Variants in SAGE1 observed in about 807,000 individuals in gnomAD.
SAGE1 encodes the protein cancer/testis antigen 14.
In SAGE1, 55 loss-of-function variants were observed where a neutral mutation model predicts 55.4. The ratio of observed to expected loss-of-function variants is 0.99; its 90% CI spans 0.80 to 1.24. The LOEUF (loss-of-function observed/expected upper bound fraction) is 1.24. Among genes scored for constraint, SAGE1 ranks in the 50% most tolerant of loss-of-function variants. The pLI, the probability that SAGE1 is intolerant of heterozygous loss-of-function variation, is 0.00. For synonymous variants in SAGE1, 240 were observed against 244.3 expected, an observed-to-expected ratio of 0.98 and a Z score of 0.17; for missense variants, 710 against 704.4, an observed-to-expected ratio of 1.01 and a Z score of -0.09.
rs782114112 is a variant in SAGE1, at chrX:135,905,310, T to G, written c.372T>G (p.Thr124=). The change falls in exon 5 of 20, where the codon ACT becomes ACG. Residue 124 remains threonine, a synonymous_variant. Coordinates refer to ENST00000370709, the MANE Select transcript of SAGE1 (RefSeq NM_001381902.1). ...GGATGGAAAATGGCCAATCTCGAAC[T>G]GACAAAGTCTTGTCAACTGCTCCAC... ...EERMENGQSR[T]DKVLSTAPPQ... 5.0e-6 allele frequency: 6 copies of G among 1,206,059 alleles called. No individual in the cohort carries two copies. The Admixed American group carries it at 1.1e-4, about 22-fold the overall frequency.
At position 135,893,716 on chromosome X, in the gene SAGE1, A is replaced by G. The variant is rs2088537984; in HGVS notation, c.-66A>G. 8.9e-6 allele frequency among the ~76,000 whole-genome samples: 1 copy of G among 112,047 alleles called. No individual in the cohort carries two copies. Among genetic ancestry groups the G allele is most frequent in the Non-Finnish European group, 1.9e-5 (1 of 53,140 alleles). On this transcript the variant is annotated 5_prime_UTR_variant, in exon 1 of 20. Coordinates refer to ENST00000370709, the MANE Select transcript of SAGE1 (RefSeq NM_001381902.1). ...CTGGTGCTCTCTACAGGTGGCCTTC[A>G]CTATCAACTGCACAGCGGGCAGAGG...
intron 2 of SAGE1, among the ~76,000 whole-genome samples, chrX:135,898,728 T>C (rs2088625905): frequency 8.9e-6 from 1 of 112,436 alleles, no homozygotes; most frequent in South Asian, 3.7e-4. Flanking sequence ...TCGAGTTGCA[T>C]TTCTCTAATG....
chrX:135,911,268 G>A lies in SAGE1; in HGVS notation c.2082G>A (p.Thr694=), dbSNP rs1429206979. Residue 694 remains threonine (T), a synonymous_variant, in exon 17 of 20, where the codon ACG becomes ACA. Coordinates refer to ENST00000370709, the MANE Select transcript of SAGE1 (RefSeq NM_001381902.1). The stretch of plus-strand genomic sequence containing the variant: ...AGGCACCTGATAACTCCTTGTCAAC[G>A]GTTCCACCTGGTTGTATTAATCTGT... ...GQQAPDNSLS[T]VPPGCINLSG... 4.1e-6 allele frequency: 5 copies of A among 1,206,274 alleles called. No individual in the cohort carries two copies. Among genetic ancestry groups the A allele is most frequent in the East Asian group, 3.0e-5 (1 of 33,713 alleles).
Position 135,908,506 on chromosome X carries a change from G to A in SAGE1, c.1330G>A (p.Ala444Thr), listed in dbSNP as rs782338529. The A allele has an allele frequency of 8.3e-6, 10 of 1,205,690 alleles. No individual in the cohort carries two copies. In the African/African-American group the frequency reaches 1.6e-4, roughly 19 times the overall value. The stretch of plus-strand genomic sequence containing the variant: ...TACCGTCAATCACCATGTCCATGAA[G>A]CAAGGATGGAAAATGGCCAACGAAA... The part of the protein sequence containing the change: ...YATVNHHVHE[A>T]RMENGQRKQD... Residue 444 changes from alanine to threonine, a missense_variant, in exon 12 of 20, where the codon GCA becomes ACA. Transcript: ENST00000370709.
In SAGE1 at chrX:135,911,272, C is replaced by A. The variant is rs782591397; in HGVS notation, c.2086C>A (p.Pro696Thr). Residue 696 changes from proline (P) to threonine (T), a missense_variant, in exon 17 of 20, where the codon CCA (proline) becomes ACA (threonine). Pro to Thr is a conservative substitution (Grantham distance 38, BLOSUM62 -1). Coordinates refer to ENST00000370709, the MANE Select transcript of SAGE1 (RefSeq NM_001381902.1). The part of the protein sequence containing the change: ...QAPDNSLSTV[P>T]PGCINLSGAG... ...ACCTGATAACTCCTTGTCAACGGTT[C>A]CACCTGGTTGTATTAATCTGTCAGG... The A allele has an allele frequency of 2.5e-6, 3 of 1,209,161 alleles. No individual in the cohort carries two copies. Among genetic ancestry groups the A allele is most frequent in the Admixed American group, 4.3e-5 (2 of 45,993 alleles).
chrX:135,906,906 C>T lies in SAGE1; in HGVS notation c.737-20C>T. 2 of 1,204,682 alleles carry T rather than the reference C, an allele frequency of 1.7e-6. No homozygotes were observed. The highest frequency in any genetic ancestry group is 1.1e-6 in the Non-Finnish European group (1 of 891,265). On this transcript the variant is annotated intron_variant, in intron 7 of 19. Transcript: ENST00000370709. The stretch of plus-strand genomic sequence containing the variant: ...ATAATACACTTACCTAACAGCTCAG[C>T]CTCTTCATTTGGTTTCCAGATGCTA...
At chrX:135,906,691 T>A (rs143753144) in intron 7 of SAGE1, 140 bp downstream of exon 7, 19,298 of 686,772 alleles carry the variant, frequency 0.028, 379 homozygotes, top group East Asian at 0.031. Context: ...TAAGTTTGTT[T>A]ATTTGTATTA....
rs367607023 is a variant in SAGE1, at chrX:135,912,420, T to C, written c.2615+6T>C. The C allele has an allele frequency of 1.7e-6, 2 of 1,199,478 alleles. No individual in the cohort carries two copies. The highest frequency in any genetic ancestry group is 2.2e-6 in the Non-Finnish European group (2 of 892,501). On this transcript the variant is annotated splice_donor_region_variant and intron_variant, in intron 19 of 19. Coordinates refer to ENST00000370709, the MANE Select transcript of SAGE1 (RefSeq NM_001381902.1). ...ACCATCAAGGAAGCAGCAAGGTGAG[T>C]GCAAAAAGGAACTGTGCTATTGTTT...
At position 135,908,554 on chromosome X, in the gene SAGE1, G is replaced by A. The variant is rs1556603854; in HGVS notation, c.1378G>A (p.Val460Ile). The A allele has an allele frequency of 1.7e-6, 2 of 1,207,956 alleles. No homozygotes were observed. The highest frequency in any genetic ancestry group is 3.5e-5 in the South Asian group (2 of 56,417). Residue 460 changes from valine to isoleucine, a missense_variant, in exon 12 of 20, where the codon GTT (valine) becomes ATT (isoleucine). Val to Ile is a conservative substitution (Grantham distance 29). Transcript: ENST00000370709. Reference sequence around the variant, plus strand: ...AAAACAGGATAACGTCTTGTCAAATGTTCTATCCGGGCTTATTAATATGGC... The same window carrying A: ...AAAACAGGATAACGTCTTGTCAAATATTCTATCCGGGCTTATTAATATGGC... ...QRKQDNVLSN[V>I]LSGLINMAGA...
intron 10 of SAGE1, 59 bp from the exon 11 acceptor site, chrX:135,908,030 C>G (rs1430472297): frequency 1.3e-4 from 147 of 1,160,115 alleles, no homozygotes; most frequent in Non-Finnish European, 1.5e-4. Context: ...AGGGGGTATT[C>G]CTGTGGGATT....
intron 2 of SAGE1, among the ~76,000 whole-genome samples, chrX:135,897,935 C>A (rs1487878810): frequency 8.9e-6 from 1 of 112,339 alleles, no homozygotes; most frequent in Non-Finnish European, 1.9e-5. Context: ...GTTTGGTTTT[C>A]TTTTCTTGCG....
rs1237304289 is a variant in SAGE1, at chrX:135,912,432, C to G, written c.2615+18C>G. On this transcript the variant is annotated intron_variant, in intron 19 of 19. Transcript: ENST00000370709. ...GCAGCAAGGTGAGTGCAAAAAGGAA[C>G]TGTGCTATTGTTTTAAGCACTTGCG... is the stretch of plus-strand genomic sequence containing the variant. 5 of 1,199,560 alleles carry G rather than the reference C, an allele frequency of 4.2e-6. No individual in the cohort carries two copies. Among genetic ancestry groups the G allele is most frequent in the African/African-American group, 1.8e-5 (1 of 56,580 alleles).
chrX:135,904,551 A>G lies in SAGE1; in HGVS notation c.295A>G (p.Thr99Ala). Residue 99 changes from threonine (T) to alanine (A), a missense_variant, in exon 4 of 20, where the codon ACT becomes GCT. Physicochemically the swap from Thr to Ala is moderately conservative, Grantham distance 58. Transcript: ENST00000370709. ...GQPVADNVLS[T>A]APPWPDATIA... ...ACCAGTAGCTGATAATGTCTTGTCA[A>G]CTGCTCCACCATGGCCTGGTAATAT... 1.7e-6 allele frequency: 2 copies of G among 1,191,237 alleles called. No homozygotes were observed. The highest frequency in any genetic ancestry group is 2.3e-6 in the Non-Finnish European group (2 of 877,693).
chrX:135,904,804 A>T (rs1474338176), intron 4 of SAGE1, among the ~76,000 whole-genome samples: 1 of 107,840 alleles, frequency 9.3e-6, no homozygotes, highest in Non-Finnish European at 1.9e-5. Flanking sequence ...AGAGGAATAT[A>T]CCTGTGGGGT....
intron 14 of SAGE1, 50 bp from the exon 15 acceptor site, chrX:135,909,980 T>C: frequency 8.6e-7 from 1 of 1,158,244 alleles, no homozygotes; most frequent in South Asian, 1.9e-5. Flanking sequence ...ACCTGTGGGG[T>C]TGACATAATG....
rs782252450 is a variant in SAGE1 at position 135,909,568 on chromosome X, C to G, written c.1583-71C>G. 3.0e-6 allele frequency: 3 copies of G among 996,554 alleles called. No homozygotes were observed. The South Asian group carries it at 7.7e-5, about 26-fold the overall frequency. 82.1% of individuals were successfully genotyped at this position (996,554 alleles called of 1,213,427 possible). ...GAACAATTTCTTACAAACTGAACAT[C>G]AGAGGGATATACCTGTGGTATTGAC... On this transcript the variant is annotated intron_variant, in intron 13 of 19. Transcript: ENST00000370709.
chrX:135,910,389 C>T (rs374500420), intron 15 of SAGE1, 26 bp from the exon 16 acceptor site: 43 of 1,205,403 alleles, frequency 3.6e-5, no homozygotes, highest in South Asian at 1.1e-4. Flanking sequence ...ACTTACCTCA[C>T]GCCCAACCTC....
At chrX:135,909,805 G>C (rs781865847) in intron 14 of SAGE1, 26 bp downstream of exon 14, 2 of 1,158,978 alleles carry the variant, frequency 1.7e-6, no homozygotes, top group Non-Finnish European at 2.3e-6. Context: ...CAGTTGTACT[G>C]TCCTACTTGG....
Position 135,896,310 on chromosome X carries a change from T to A in SAGE1, c.68T>A (p.Val23Glu), listed in dbSNP as rs782789530. The A allele has an allele frequency of 8.4e-7, 1 of 1,194,625 alleles. No homozygotes were observed. Among genetic ancestry groups the A allele is most frequent in the Admixed American group, 2.2e-5 (1 of 46,040 alleles). Residue 23 changes from valine (V) to glutamate (E), a missense_variant, in exon 2 of 20, where the codon GTG (valine) becomes GAG (glutamate). Transcript: ENST00000370709. Reference protein sequence around the residue: ...PPEELHAAAYVFTNDGQQMRS... With the variant: ...PPEELHAAAYEFTNDGQQMRS... ...GAAGAACTTCATGCTGCTGCCTATG[T>A]GTTTACAAATGATGGGCAGGTAAGA... is the stretch of plus-strand genomic sequence containing the variant.
Sources: allele counts gnomAD v4.1 joint callset (sites outside exome capture counted in the v4.1 genomes callset), GRCh38; gene constraint gnomAD v4.1.1; transcripts MANE v1.5; gene names NCBI Gene and HGNC (gene_info 2026-07-23, HGNC 2026-07-21).